Variants in DENND5A observed in about 807,000 individuals in gnomAD.
The protein encoded by DENND5A is DENN domain-containing protein 5A.
Under a neutral mutation model 140.3 loss-of-function variants are expected in DENND5A, and 64 were observed. That is an observed-to-expected ratio of 0.46 (90% CI 0.37 to 0.56). The LOEUF (loss-of-function observed/expected upper bound fraction) is 0.56. Ranked by LOEUF, DENND5A falls within the 20% of genes least tolerant of loss-of-function variation. The pLI is 0.00. For missense variants in DENND5A, 1,292 were observed against 1,593.8 expected (o/e 0.81, Z 3.22); for synonymous variants, 605 against 607.7 (o/e 1.00, Z 0.07).
chr11:9,225,672 G>C (rs1163268200), intron 1 of DENND5A, among the ~76,000 whole-genome samples: 2 of 152,146 alleles, frequency 1.3e-5, no homozygotes, highest in African/African-American at 4.8e-5. Context: ...TGAGGCAGGG[G>C]AATCACTTGA....
chr11:9,222,203 C>G (rs1397327170), intron 1 of DENND5A, among the ~76,000 whole-genome samples: 1 of 152,198 alleles, frequency 6.6e-6, no homozygotes, highest in Non-Finnish European at 1.5e-5. Context: ...CATGGCTAAT[C>G]TTGCTTTACT....
chr11:9,252,852 A>AT (rs576567620), intron 1 of DENND5A, among the ~76,000 whole-genome samples: 6,267 of 144,072 alleles, frequency 0.043, 427 homozygotes, highest in African/African-American at 0.14. Flanking sequence ...CAGCAACAGG[A>AT]TTTTTTTTTT....
chr11:9,250,682 G>A (rs761475547), intron 1 of DENND5A, among the ~76,000 whole-genome samples: 1 of 152,154 alleles, frequency 6.6e-6, no homozygotes, highest in Non-Finnish European at 1.5e-5. Context: ...TAAAAGTACA[G>A]TGTAAAACTA....
rs761600436 is a variant in DENND5A, at chr11:9,152,480, G to C, written c.2437-38C>G. 4 of 1,410,292 alleles carry C rather than the reference G, an allele frequency of 2.8e-6. No individual in the cohort carries two copies. In the South Asian group the frequency reaches 4.6e-5, roughly 16 times the overall value. The allele number at this position is 1,410,292 out of a possible 1,614,324, so 87.4% of individuals were successfully genotyped here. A position where few individuals can be genotyped will look rare whatever the true frequency, so the allele number is the denominator to read the frequency against. Reference sequence around the variant, plus strand: ...CAAGGGAGAAACACCTATCAGTTTAGATTTCAGGGGTCAAGGCTTTCAACA... The same window carrying C: ...CAAGGGAGAAACACCTATCAGTTTACATTTCAGGGGTCAAGGCTTTCAACA... On this transcript the variant is annotated intron_variant, in intron 12 of 22. Transcript: ENST00000328194.
At chr11:9,217,449 G>A (rs542217292) in intron 1 of DENND5A, among the ~76,000 whole-genome samples, 1 of 150,702 alleles carries the variant, frequency 6.6e-6, no homozygotes, top group Admixed American at 6.6e-5. Flanking sequence ...AGGAGGCAGA[G>A]GGTGCAGTGA....
chr11:9,207,517 C>A, intron 2 of DENND5A, 44 bp downstream of exon 2: 2 of 1,424,894 alleles, frequency 1.4e-6, no homozygotes, highest in Middle Eastern at 1.8e-4. Context: ...TATGTAAGAA[C>A]CATTAGAAAG....
chr11:9,253,865 C>G (rs1258063279), intron 1 of DENND5A, among the ~76,000 whole-genome samples: 2 of 150,502 alleles, frequency 1.3e-5, no homozygotes, highest in African/African-American at 2.4e-5. Context: ...GACCCTGTCT[C>G]AAAAAAACAA....
chr11:9,149,529 C>T (rs753670144), intron 15 of DENND5A, among the ~76,000 whole-genome samples: 3 of 152,160 alleles, frequency 2.0e-5, no homozygotes, highest in South Asian at 2.1e-4. Flanking sequence ...GGATGAACCA[C>T]GTTTCTGGGG....
intron 1 of DENND5A, among the ~76,000 whole-genome samples, chr11:9,221,115 T>C (rs1438575667): frequency 6.6e-6 from 1 of 150,730 alleles, no homozygotes; most frequent in African/African-American, 2.4e-5. Flanking sequence ...ACAAAAAACT[T>C]TGGTATCAGA....
chr11:9,253,590 A>G (rs1380117808), intron 1 of DENND5A, among the ~76,000 whole-genome samples: 1 of 151,764 alleles, frequency 6.6e-6, no homozygotes, highest in Non-Finnish European at 1.5e-5. Flanking sequence ...GTGAGAACCC[A>G]TCCCTACAAA....
Position 9,142,101 on chromosome 11 carries a change from T to C in DENND5A, c.3519A>G (p.Ala1173=). ...NVFIWDFLEK[A]QTYYETLEKN... is the part of the protein sequence containing the mutation. ...TCTCTAATGTCTCATAATAGGTTTG[T>C]GCTTTTTCTGTGAAGAGTAGAAAAG... The change falls in exon 22 of 23, where the codon GCA becomes GCG. Residue 1173 remains alanine, a synonymous_variant. Coordinates refer to ENST00000328194, the MANE Select transcript of DENND5A (RefSeq NM_015213.4). The C allele has an allele frequency of 6.3e-7, 1 of 1,585,852 alleles. No homozygotes were observed. Among genetic ancestry groups the C allele is most frequent in the South Asian group, 1.2e-5 (1 of 86,052 alleles).
At chr11:9,149,407 A>G (rs1847537861) in intron 15 of DENND5A, among the ~76,000 whole-genome samples, 1 of 152,342 alleles carries the variant, frequency 6.6e-6, no homozygotes, top group African/African-American at 2.4e-5. Flanking sequence ...TATGCCTTCA[A>G]TGAAAGCAAA....
chr11:9,197,241 G>A (rs1315054968), intron 4 of DENND5A, among the ~76,000 whole-genome samples: 1 of 151,250 alleles, frequency 6.6e-6, no homozygotes, highest in African/African-American at 2.4e-5. Context: ...GGAGGCAGAG[G>A]TTGCAGCGAG....
intron 4 of DENND5A, among the ~76,000 whole-genome samples, chr11:9,197,475 C>T (rs1488208382): frequency 1.3e-5 from 2 of 151,074 alleles, no homozygotes; most frequent in African/African-American, 4.9e-5. Context: ...GTGGCCAGTT[C>T]ACTTGAGGTC....
At position 9,174,102 on chromosome 11, in the gene DENND5A, C is replaced by CAAAA. The variant is rs57703622; in HGVS notation, c.1907-3329_1907-3326dup. Among the ~76,000 whole-genome samples the CAAAA allele has an allele frequency of 3.1e-4, 13 of 42,142 alleles. 1 individual carries two copies. The highest frequency in any genetic ancestry group is 1.4e-3 in the South Asian group (1 of 730). The allele number at this position is 42,142 out of a possible 152,430, so 27.6% of individuals were successfully genotyped here. ...TGGGCGATAGAGCAAGACTCCGTCT[C>CAAAA]AAAAAAAAAAAAAAAAAAAAAAAAA... is the stretch of plus-strand genomic sequence containing the variant. On this transcript the variant is annotated intron_variant, in intron 8 of 22. Coordinates refer to ENST00000328194, the MANE Select transcript of DENND5A (RefSeq NM_015213.4).
intron 1 of DENND5A, among the ~76,000 whole-genome samples, chr11:9,258,887 G>C (rs182206314): frequency 6.6e-6 from 1 of 152,280 alleles, no homozygotes; most frequent in East Asian, 1.9e-4. Context: ...CAGTCAAGGA[G>C]GAGTATGATT....
intron 1 of DENND5A, among the ~76,000 whole-genome samples, chr11:9,234,862 A>C (rs1400480068): frequency 6.6e-6 from 1 of 152,212 alleles, no homozygotes; most frequent in African/African-American, 2.4e-5. Flanking sequence ...CTTGCTGTTA[A>C]TAAAGGCGCG....
intron 1 of DENND5A, among the ~76,000 whole-genome samples, chr11:9,239,132 T>C (rs372421839): frequency 5.3e-5 from 8 of 151,916 alleles, no homozygotes; most frequent in Non-Finnish European, 1.0e-4. Context: ...GCGCCCGGCC[T>C]ACATCCTTCT....
At position 9,199,017 on chromosome 11, in the gene DENND5A, A is replaced by G. The variant is rs973058082; in HGVS notation, c.949+4643T>C. On this transcript the variant is annotated intron_variant, in intron 4 of 22. Coordinates refer to ENST00000328194, the MANE Select transcript of DENND5A (RefSeq NM_015213.4). ...GGTTGCAATGAGCCGAGATCATGCC[A>G]CTGCATTCTAGCTTAGGCAACAAGA... is the stretch of plus-strand genomic sequence containing the variant. 1.6e-4 allele frequency among the ~76,000 whole-genome samples: 19 copies of G among 120,564 alleles called. 2 individuals are homozygous for G. Among genetic ancestry groups the G allele is most frequent in the South Asian group, 7.3e-4 (2 of 2,738 alleles). 79.1% of individuals were successfully genotyped at this position (120,564 alleles called of 152,430 possible).
Sources: gnomAD v4.1 joint callset for allele counts (sites outside exome capture counted in the v4.1 genomes callset) on GRCh38, gnomAD v4.1.1 for gene constraint, MANE v1.5 for transcripts, NCBI Gene and HGNC (gene_info 2026-07-23, HGNC 2026-07-21) for gene names.